RBM17: variants seen among roughly 807,000 people sequenced by gnomAD.
RBM17 encodes RNA binding motif protein 17.
In RBM17, 7 loss-of-function variants were observed where a neutral mutation model predicts 53.2. The observed-to-expected ratio is 0.13, with a 90% confidence interval of 0.07 to 0.25. The LOEUF (loss-of-function observed/expected upper bound fraction) is 0.25, where lower values mean the gene tolerates loss of function less well. RBM17 is among the 10% of genes least tolerant of loss of function. The pLI is 1.00. For synonymous variants in RBM17, 167 were observed against 178.1 expected (o/e 0.94, Z 0.50); for missense variants, 257 against 496.7 (o/e 0.52, Z 4.59).
At chr10:6,099,638 T>C (rs1257798022) in intron 2 of RBM17, among the ~76,000 whole-genome samples, 2 of 152,228 alleles carry the variant, frequency 1.3e-5, no homozygotes, top group Non-Finnish European at 2.9e-5. Context: ...ACCGTATTGG[T>C]TTTTTTATTT....
rs1173605143 is a variant in RBM17, at chr10:6,112,450, A to C, written c.856+89A>C. The stretch of plus-strand genomic sequence containing the variant: ...CCAGTCTTGATCCTCATGTGTCAGC[A>C]GGGGGACAATGAGGCGTGTGGCCAG... On this transcript the variant is annotated intron_variant, in intron 8 of 11. Transcript: ENST00000379888. The surrounding 1 kb of genome is among the most constrained non-coding windows in gnomAD (Gnocchi z 4.4). The C allele has an allele frequency of 6.7e-7, 1 of 1,501,238 alleles. No homozygotes were observed. The highest frequency in any genetic ancestry group is 1.8e-5 in the Admixed American group (1 of 54,884). 93.0% of individuals were successfully genotyped at this position (1,501,238 alleles called of 1,614,324 possible).
rs1322219856 is a variant in RBM17 at position 6,089,128 on chromosome 10, G to A, written c.-84G>A. 1.9e-5 allele frequency: 3 copies of A among 160,808 alleles called. No individual in the cohort carries two copies. Among genetic ancestry groups the A allele is most frequent in the Non-Finnish European group, 4.1e-5 (3 of 73,024 alleles). The allele number at this position is 160,808 out of a possible 1,614,324, so 10.0% of individuals were successfully genotyped here. On this transcript the variant is annotated 5_prime_UTR_variant, in exon 1 of 12. Transcript: ENST00000379888. The surrounding 1 kb of genome is among the most constrained non-coding windows in gnomAD (Gnocchi z 5.6). ...CCTCCTGCCGCTGGCGGGTTTCCGC[G>A]GAGTGCCGCCCGGCTCCGCTCTGCC...
chr10:6,108,781 G>C (rs200712961), intron 6 of RBM17, 39 bp downstream of exon 6: 1 of 1,524,590 alleles, frequency 6.6e-7, no homozygotes, highest in East Asian at 2.3e-5. Flanking sequence ...TTCTGATACA[G>C]GTCTTTAACC....
At chr10:6,098,184 A>T (rs1343898306) in intron 2 of RBM17, among the ~76,000 whole-genome samples, 1 of 152,164 alleles carries the variant, frequency 6.6e-6, no homozygotes, top group Non-Finnish European at 1.5e-5. Context: ...TTCGTAATGG[A>T]GGCTATATCC....
intron 7 of RBM17, among the ~76,000 whole-genome samples, chr10:6,111,038 C>T (rs1466014695): frequency 1.3e-5 from 2 of 152,212 alleles, no homozygotes; most frequent in African/African-American, 4.8e-5. Flanking sequence ...ACATCTTTAA[C>T]TTGTGCTTAG....
chr10:6,116,306 G>A lies in RBM17; in HGVS notation c.*750G>A, dbSNP rs1457050866. 2.6e-5 allele frequency: 4 copies of A among 152,356 alleles called. No homozygotes were observed. The highest frequency in any genetic ancestry group is 9.7e-5 in the African/African-American group (4 of 41,450). 9.4% of individuals were successfully genotyped at this position (152,356 alleles called of 1,614,324 possible). A position where few individuals can be genotyped will look rare whatever the true frequency, so the allele number is the denominator to read the frequency against. ...GAATTCAAAACCTAGCAGGTGCATT[G>A]TAAATGTGTGCCCAGTTATGTTTTG... On this transcript the variant is annotated 3_prime_UTR_variant, in exon 12 of 12. Transcript: ENST00000379888.
At chr10:6,095,336 C>A (rs148101840) in intron 1 of RBM17, among the ~76,000 whole-genome samples, 2 of 152,078 alleles carry the variant, frequency 1.3e-5, no homozygotes, top group African/African-American at 2.4e-5. Context: ...CCTCACCCTC[C>A]GGAGTAGCTG....
chr10:6,093,091 C>T (rs1243303148), intron 1 of RBM17, among the ~76,000 whole-genome samples: 2 of 152,160 alleles, frequency 1.3e-5, no homozygotes, highest in Non-Finnish European at 2.9e-5. Flanking sequence ...AGATTTTTAG[C>T]CTCAAAGTTT....
chr10:6,102,743 A>G (rs1425827996), intron 3 of RBM17, among the ~76,000 whole-genome samples: 3 of 152,156 alleles, frequency 2.0e-5, no homozygotes, highest in Admixed American at 1.3e-4. Context: ...CCTAACTGTA[A>G]AACCACCTAG....
At position 6,115,568 on chromosome 10, in the gene RBM17, A is replaced by G. The variant is rs892653584; in HGVS notation, c.*12A>G. On this transcript the variant is annotated 3_prime_UTR_variant, in exon 12 of 12. Transcript: ENST00000379888. ...CAGAACAAGTTTGATTTTAAGAACT[A>G]GAGCACGAGTCATCTCCGGTGATCC... The G allele has an allele frequency of 3.3e-6, 5 of 1,501,370 alleles. No individual in the cohort carries two copies. The highest frequency in any genetic ancestry group is 4.6e-6 in the Non-Finnish European group (5 of 1,078,382). The allele number at this position is 1,501,370 out of a possible 1,614,324, so 93.0% of individuals were successfully genotyped here.
At position 6,112,312 on chromosome 10, in the gene RBM17, G is replaced by A. The variant is rs1379046588; in HGVS notation, c.807G>A (p.Lys269=). 1.9e-6 allele frequency: 3 copies of A among 1,613,884 alleles called. No individual in the cohort carries two copies. In the East Asian group the frequency reaches 6.7e-5, roughly 36 times the overall value. Residue 269 remains lysine (K), a synonymous_variant, in exon 8 of 12, where the codon AAG becomes AAA. Transcript: ENST00000379888. This position sits in a 1 kb window ranked among gnomAD's most constrained non-coding sequence, Gnocchi z 4.4. ...TGAGCACTGCCTTGTCAGTGGAGAA[G>A]ACCAGCAAGCGTGGCGGCAAGATCA... is the stretch of plus-strand genomic sequence containing the variant. ...QGLSTALSVE[K]TSKRGGKIIV... is the part of the protein sequence containing the mutation.
chr10:6,089,653 G>C lies in RBM17; in HGVS notation c.-19+460G>C, dbSNP rs574725755. 1 of 152,602 alleles carries C rather than the reference G, an allele frequency of 6.6e-6. No homozygotes were observed. Among genetic ancestry groups the C allele is most frequent in the South Asian group, 2.1e-4 (1 of 4,826 alleles). 9.5% of individuals were successfully genotyped at this position (152,602 alleles called of 1,614,324 possible). A position where few individuals can be genotyped will look rare whatever the true frequency, so the allele number is the denominator to read the frequency against. On this transcript the variant is annotated intron_variant, in intron 1 of 11. Transcript: ENST00000379888. The surrounding 1 kb of genome is among the most constrained non-coding windows in gnomAD (Gnocchi z 5.6). ...GGGTCTCAGAACTGGGAGTGCAGACGTTGGCGTTTCTCAGACTCCGGAGCT... is the reference window on the plus strand; with the variant it reads ...GGGTCTCAGAACTGGGAGTGCAGACCTTGGCGTTTCTCAGACTCCGGAGCT...
intron 2 of RBM17, among the ~76,000 whole-genome samples, chr10:6,097,527 C>T (rs538151852): frequency 4.6e-5 from 7 of 152,202 alleles, no homozygotes; most frequent in African/African-American, 1.4e-4. Context: ...TGAAACACCG[C>T]GGGCGCAGTG....
chr10:6,096,947 T>G, intron 1 of RBM17, 101 bp from the exon 2 acceptor site: 1 of 1,100,178 alleles, frequency 9.1e-7, no homozygotes, highest in South Asian at 1.5e-5. Flanking sequence ...TGCTGAAAGG[T>G]CCTGGACCTT....
At position 6,115,444 on chromosome 10, in the gene RBM17, G is replaced by C. The variant is rs952049503; in HGVS notation, c.1103-9G>C. 15 of 1,601,956 alleles carry C rather than the reference G, an allele frequency of 9.4e-6. No individual in the cohort carries two copies. Among genetic ancestry groups the C allele is most frequent in the Non-Finnish European group, 1.3e-5 (15 of 1,169,046 alleles). Reference sequence around the variant, plus strand: ...TACCTGTATTAACTGTCTTTTGTTTGCCTTTCAGCGGTTGTTGACTTGAAT... The same window carrying C: ...TACCTGTATTAACTGTCTTTTGTTTCCCTTTCAGCGGTTGTTGACTTGAAT... On this transcript the variant is annotated splice_polypyrimidine_tract_variant and intron_variant, in intron 11 of 11. Coordinates refer to ENST00000379888, the MANE Select transcript of RBM17 (RefSeq NM_032905.5).
intron 9 of RBM17, 76 bp from the exon 10 acceptor site, chr10:6,113,973 G>C (rs905630871): frequency 1.5e-5 from 14 of 928,088 alleles, no homozygotes; most frequent in Non-Finnish European, 2.4e-5. Context: ...CCATCACTAA[G>C]TCATATTTAT....
At chr10:6,090,705 A>G in intron 1 of RBM17, among the ~76,000 whole-genome samples, 1 of 152,136 alleles carries the variant, frequency 6.6e-6, no homozygotes. Context: ...CATAATAGTC[A>G]ATAGTGAAGG....
rs1326529887 is a variant in RBM17, at chr10:6,112,912, T to C, written c.856+551T>C. 1.1e-5 allele frequency: 2 copies of C among 174,144 alleles called. No homozygotes were observed. The highest frequency in any genetic ancestry group is 4.8e-5 in the African/African-American group (2 of 41,778). The allele number at this position is 174,144 out of a possible 1,614,324, so 10.8% of individuals were successfully genotyped here. On this transcript the variant is annotated intron_variant, in intron 8 of 11. Coordinates refer to ENST00000379888, the MANE Select transcript of RBM17 (RefSeq NM_032905.5). The surrounding 1 kb of genome is among the most constrained non-coding windows in gnomAD (Gnocchi z 4.4). ...TTTAATTTTTACAGTCTGTTCTGTG[T>C]TGAGGGAATTCAGGAAAGAGACAAA...
intron 8 of RBM17, chr10:6,113,211 C>T (rs973705449): frequency 4.0e-6 from 1 of 249,494 alleles, no homozygotes; most frequent in Non-Finnish European, 7.8e-6. Flanking sequence ...TAGGAATTAT[C>T]ACTCACATGC....
Sources: gnomAD v4.1 joint callset for allele counts (sites outside exome capture counted in the v4.1 genomes callset) on GRCh38, gnomAD v4.1.1 for gene constraint, Gnocchi (gnomAD v3.1) non-coding constraint, MANE v1.5 for transcripts, NCBI Gene and HGNC (gene_info 2026-07-23, HGNC 2026-07-21) for gene names.